RNF169: variants seen among roughly 807,000 people sequenced by gnomAD.
The protein encoded by RNF169 is E3 ubiquitin-protein ligase RNF169.
RNF169 carries 24 observed loss-of-function variants against 53.9 expected under a neutral mutation model. The observed-to-expected ratio is 0.45, with a 90% CI of 0.32 to 0.63. The LOEUF (loss-of-function observed/expected upper bound fraction) is 0.63. RNF169 is among the 20% of genes least tolerant of loss of function. RNF169 has a pLI of 0.04. For synonymous variants in RNF169, 396 were observed against 363.5 expected (o/e 1.09, Z -1.02); for missense variants, 883 against 906.2 (o/e 0.97, Z 0.33).
In RNF169 at chr11:74,834,787, CCA is replaced by C; in HGVS notation, c.942+15_942+16del. 1 of 1,595,056 alleles carries C rather than the reference CCA, an allele frequency of 6.3e-7. No individual in the cohort carries two copies. Among genetic ancestry groups the C allele is most frequent in the Non-Finnish European group, 8.6e-7 (1 of 1,164,500 alleles). ...GCAACAAAGCCAAGGTACACCTCAG[CCA>C]CAGACCTCCGGGGCTTGTGAGGCTT... is the stretch of plus-strand genomic sequence containing the variant. On this transcript the variant is annotated intron_variant, in intron 5 of 5. Coordinates refer to ENST00000299563, the MANE Select transcript of RNF169 (RefSeq NM_001098638.2).
At chr11:74,760,231 A>G (rs1406282363) in intron 1 of RNF169, among the ~76,000 whole-genome samples, 1 of 151,934 alleles carries the variant, frequency 6.6e-6, no homozygotes, top group Non-Finnish European at 1.5e-5. Flanking sequence ...CTAGTGGTCT[A>G]TCAATTTTGT....
Position 74,805,916 on chromosome 11 carries a change from T to G in RNF169, c.577-4268T>G, listed in dbSNP as rs1363301678. Reference sequence around the variant, plus strand: ...TCTGAGACTTAAGTATGCATGGATTTTGGTATATGCGGGGTCCTGGAACCA... The same window carrying G: ...TCTGAGACTTAAGTATGCATGGATTGTGGTATATGCGGGGTCCTGGAACCA... On this transcript the variant is annotated intron_variant, in intron 2 of 5. Coordinates refer to ENST00000299563, the MANE Select transcript of RNF169 (RefSeq NM_001098638.2). Among the ~76,000 whole-genome samples the G allele has an allele frequency of 2.0e-5, 3 of 152,126 alleles. No individual in the cohort carries two copies. The East Asian group carries it at 5.8e-4, about 29-fold the overall frequency.
At chr11:74,829,057 A>C (rs1472450835) in intron 4 of RNF169, among the ~76,000 whole-genome samples, 1 of 152,218 alleles carries the variant, frequency 6.6e-6, no homozygotes, top group Non-Finnish European at 1.5e-5. Flanking sequence ...TGAACAGACA[A>C]CCTATGGAAT....
intron 1 of RNF169, among the ~76,000 whole-genome samples, chr11:74,767,192 T>G (rs1430247873): frequency 6.6e-6 from 1 of 152,118 alleles, no homozygotes; most frequent in African/African-American, 2.4e-5. Flanking sequence ...TCGAGTAGTA[T>G]ATTTTTAAAA....
chr11:74,836,423 T>C lies in RNF169; in HGVS notation c.1820T>C (p.Val607Ala), dbSNP rs1446681621. 3.1e-6 allele frequency: 5 copies of C among 1,614,096 alleles called. No individual in the cohort carries two copies. Among genetic ancestry groups the C allele is most frequent in the East Asian group, 2.2e-5 (1 of 44,890 alleles). ...TTTGATCTGACTAATGGTGTTCTAG[T>C]TGAGAGCCTAAGTGAAGAGCCACTT... is the stretch of plus-strand genomic sequence containing the variant. ...NHFDLTNGVL[V>A]ESLSEEPLPS... is the part of the protein sequence containing the mutation. Residue 607 changes from valine (V) to alanine (A), a missense_variant, in exon 6 of 6, where the codon GTT becomes GCT. Around this residue, in one of 3 missense-constraint regions of RNF169, gnomAD observed 351 missense variants for 337.3 expected, o/e 1.04. Coordinates refer to ENST00000299563, the MANE Select transcript of RNF169 (RefSeq NM_001098638.2).
chr11:74,804,870 G>A (rs554050541), intron 2 of RNF169, among the ~76,000 whole-genome samples: 2 of 151,956 alleles, frequency 1.3e-5, no homozygotes, highest in South Asian at 2.1e-4. Context: ...TAACTAGTAA[G>A]GTTTAAAAAA....
At chr11:74,754,344 C>G (rs2034946654) in intron 1 of RNF169, among the ~76,000 whole-genome samples, 2 of 152,120 alleles carry the variant, frequency 1.3e-5, no homozygotes, top group African/African-American at 4.8e-5. Context: ...TGTTTGAAAT[C>G]AAGGATGGTT....
chr11:74,752,748 A>C (rs2034919196), intron 1 of RNF169, among the ~76,000 whole-genome samples: 1 of 152,166 alleles, frequency 6.6e-6, no homozygotes, highest in Non-Finnish European at 1.5e-5. Flanking sequence ...TGGTTTAAGA[A>C]TACATCATCA....
At chr11:74,804,970 C>T (rs2035784711) in intron 2 of RNF169, among the ~76,000 whole-genome samples, 1 of 152,150 alleles carries the variant, frequency 6.6e-6, no homozygotes, top group Non-Finnish European at 1.5e-5. Context: ...CCATTGGAAA[C>T]CTTTTGGCTG....
At chr11:74,832,375 T>G (rs2036192851) in intron 4 of RNF169, 1 of 151,616 alleles carries the variant, frequency 6.6e-6, no homozygotes, top group South Asian at 2.1e-4. Flanking sequence ...CAAAATGGAG[T>G]TTATGGGGCA....
rs2035347742 is a variant in RNF169 at position 74,777,115 on chromosome 11, G to C, written c.503-12511G>C. ...AATGCCCACAATCTATACCAAGTAGGTATTGGAGGATTAGGTGAGATAAAC... is the reference window on the plus strand; with the variant it reads ...AATGCCCACAATCTATACCAAGTAGCTATTGGAGGATTAGGTGAGATAAAC... On this transcript the variant is annotated intron_variant, in intron 1 of 5. Coordinates refer to ENST00000299563, the MANE Select transcript of RNF169 (RefSeq NM_001098638.2). Among the ~76,000 whole-genome samples, 3 of 152,194 alleles carry C rather than the reference G, an allele frequency of 2.0e-5. No homozygotes were observed. In the South Asian group the frequency reaches 6.2e-4, roughly 31 times the overall value.
chr11:74,836,210 G>C lies in RNF169; in HGVS notation c.1607G>C (p.Gly536Ala), dbSNP rs371107678. ...LETCCSSELK[G>A]GGSGTSLERE... The stretch of plus-strand genomic sequence containing the variant: ...ACCTGCTGTTCCTCAGAACTCAAAG[G>C]GGGAGGCAGTGGGACTTCTTTGGAG... The change falls in exon 6 of 6, where the codon GGG becomes GCG. Residue 536 changes from glycine (G) to alanine (A), a missense_variant. By Grantham distance (60) the Gly-to-Ala change is moderately conservative. Around this residue, in one of 3 missense-constraint regions of RNF169, gnomAD observed 351 missense variants for 337.3 expected, o/e 1.04. Coordinates refer to ENST00000299563, the MANE Select transcript of RNF169 (RefSeq NM_001098638.2). 2.5e-5 allele frequency: 41 copies of C among 1,614,032 alleles called. No homozygotes were observed. The highest frequency in any genetic ancestry group is 1.7e-4 in the Admixed American group (10 of 59,994).
chr11:74,820,950 A>T (rs907091198), intron 4 of RNF169, among the ~76,000 whole-genome samples: 1 of 152,186 alleles, frequency 6.6e-6, no homozygotes, highest in Admixed American at 6.5e-5. Context: ...TTCATCCTGC[A>T]AAATGTGTGA....
chr11:74,750,156 CT>C (rs1257374443), intron 1 of RNF169, among the ~76,000 whole-genome samples: 4 of 152,172 alleles, frequency 2.6e-5, no homozygotes, highest in Admixed American at 6.5e-5. Context: ...CCTTGAACTT[CT>C]TTCCCCTAAC....
intron 1 of RNF169, among the ~76,000 whole-genome samples, chr11:74,786,511 C>T (rs1438443427): frequency 6.6e-6 from 1 of 151,998 alleles, no homozygotes; most frequent in East Asian, 1.9e-4. Context: ...GATCCTCTCA[C>T]CTTAGCCTCC....
At chr11:74,830,339 G>C (rs2036159671) in intron 4 of RNF169, among the ~76,000 whole-genome samples, 1 of 151,942 alleles carries the variant, frequency 6.6e-6, no homozygotes, top group Admixed American at 6.6e-5. Context: ...GAAAAATGAT[G>C]ACATTACTGT....
chr11:74,805,437 G>C (rs1344643557), intron 2 of RNF169, among the ~76,000 whole-genome samples: 1 of 151,928 alleles, frequency 6.6e-6, no homozygotes, highest in Non-Finnish European at 1.5e-5. Context: ...TCTTGATTAG[G>C]GAAATGATTA....
rs150364481 is a variant in RNF169 at position 74,778,713 on chromosome 11, G to A, written c.503-10913G>A. ...GCCTTTATCTAACAACCGCCACCTG[G>A]CACCCTTCATTCAACTCAAAAGTCA... On this transcript the variant is annotated intron_variant, in intron 1 of 5. Coordinates refer to ENST00000299563, the MANE Select transcript of RNF169 (RefSeq NM_001098638.2). Among the ~76,000 whole-genome samples the A allele has an allele frequency of 6.0e-3, 920 of 152,294 alleles. 5 individuals are homozygous for A. The highest frequency in any genetic ancestry group is 0.011 in the Non-Finnish European group (727 of 68,022).
chr11:74,765,180 A>G (rs576533641), intron 1 of RNF169, among the ~76,000 whole-genome samples: 2 of 152,100 alleles, frequency 1.3e-5, no homozygotes, highest in African/African-American at 2.4e-5. Flanking sequence ...CTGTACTCCA[A>G]CCTAGGTGAC....
Sources: gnomAD v4.1 joint callset for allele counts (sites outside exome capture counted in the v4.1 genomes callset) on GRCh38, gnomAD v4.1.1 for gene constraint, gnomAD v4.1.1 regional missense constraint, MANE v1.5 for transcripts, NCBI Gene and HGNC (gene_info 2026-07-23, HGNC 2026-07-21) for gene names.